The following ARAP2 variants were observed in gnomAD, a reference collection of about 807,000 sequenced individuals.
ARAP2 encodes the protein ArfGAP with RhoGAP domain, ankyrin repeat and PH domain 2.
A neutral mutation model predicts 194.5 loss-of-function variants in ARAP2; 148 were observed. The observed-to-expected ratio is 0.76, with a 90% confidence interval of 0.67 to 0.87. The LOEUF (loss-of-function observed/expected upper bound fraction) is 0.87. ARAP2 is among the 40% of genes least tolerant of loss of function. The probability of loss-of-function intolerance (pLI) is 0.00; values close to 1 mark genes in which losing one functional copy is unlikely to be tolerated. For synonymous variants in ARAP2, 695 were observed against 683.5 expected (o/e 1.02, Z -0.26); for missense variants, 2,128 against 1,989.7 (o/e 1.07, Z -1.32).
At position 36,136,818 on chromosome 4, in the gene ARAP2, T is replaced by TGTGTGTGC. The variant is rs760185590; in HGVS notation, c.3264-3430_3264-3429insGCACACAC. Among the ~76,000 whole-genome samples the TGTGTGTGC allele has an allele frequency of 2.9e-4, 41 of 140,976 alleles. 1 individual carries two copies. Among genetic ancestry groups the TGTGTGTGC allele is most frequent in the Admixed American group, 1.3e-3 (18 of 14,252 alleles). 92.5% of individuals were successfully genotyped at this position (140,976 alleles called of 152,430 possible). On this transcript the variant is annotated intron_variant, in intron 19 of 32. Coordinates refer to ENST00000303965, the MANE Select transcript of ARAP2 (RefSeq NM_015230.4). ...GTGTGTGTGTGTGTGTGTGTGTGTG[T>TGTGTGTGC]GCGTGTCTGTGTATCTCAGTCCTAT...
chr4:36,190,793 G>C (rs1374895335), intron 7 of ARAP2, among the ~76,000 whole-genome samples: 1 of 152,112 alleles, frequency 6.6e-6, no homozygotes. Flanking sequence ...AAAACACAAG[G>C]GGAACATGTA....
chr4:36,090,771 T>C (rs1713399985), intron 28 of ARAP2, among the ~76,000 whole-genome samples: 1 of 152,070 alleles, frequency 6.6e-6, no homozygotes, highest in Non-Finnish European at 1.5e-5. Context: ...TGGTGGAGCG[T>C]AGAGGATTAG....
chr4:36,179,486 T>C (rs1262326513), intron 8 of ARAP2, among the ~76,000 whole-genome samples: 1 of 152,100 alleles, frequency 6.6e-6, no homozygotes, highest in Non-Finnish European at 1.5e-5. Flanking sequence ...CAGTAACCTG[T>C]ACGTAAGAAG....
rs1379995562 is a variant in ARAP2 at position 36,164,917 on chromosome 4, C to T, written c.2170G>A (p.Ala724Thr). ...AGCATAACTTGTCACTAATTACCTG[C>T]ACACTTCTTACAGATGACAACACAG... The part of the protein sequence containing the change: ...NLCVVICKKC[A>T]GQHRSLGPKD... Residue 724 changes from alanine to threonine, a missense_variant, in exon 11 of 33, where the codon GCA (alanine) becomes ACA (threonine). Transcript: ENST00000303965. The T allele has an allele frequency of 4.3e-6, 7 of 1,613,920 alleles. No individual in the cohort carries two copies. Among genetic ancestry groups the T allele is most frequent in the African/African-American group, 1.3e-5 (1 of 75,066 alleles).
At chr4:36,158,147 A>G (rs1283451013) in intron 15 of ARAP2, among the ~76,000 whole-genome samples, 1 of 152,200 alleles carries the variant, frequency 6.6e-6, no homozygotes, top group Admixed American at 6.5e-5. Context: ...GGTTTGACAC[A>G]AGGAGTTGGA....
intron 8 of ARAP2, among the ~76,000 whole-genome samples, chr4:36,186,849 AC>A (rs1740680164): frequency 1.3e-5 from 2 of 152,250 alleles, no homozygotes; most frequent in African/African-American, 4.8e-5. Flanking sequence ...TTGCAAGAAA[AC>A]AAGCTCAGGG....
At chr4:36,087,938 T>G (rs182854659) in intron 28 of ARAP2, among the ~76,000 whole-genome samples, 2 of 152,220 alleles carry the variant, frequency 1.3e-5, no homozygotes, top group Admixed American at 1.3e-4. Flanking sequence ...AGAGTCTTTC[T>G]TCATCTGCAT....
chr4:36,179,451 C>A (rs1400059840), intron 8 of ARAP2, among the ~76,000 whole-genome samples: 1 of 152,184 alleles, frequency 6.6e-6, no homozygotes, highest in Non-Finnish European at 1.5e-5. Flanking sequence ...CGCATCCACG[C>A]AGACTCATAG....
intron 25 of ARAP2, among the ~76,000 whole-genome samples, chr4:36,114,705 C>T (rs536622028): frequency 2.0e-4 from 31 of 152,082 alleles, no homozygotes; most frequent in African/African-American, 7.2e-4. Context: ...CAGTCAATGG[C>T]TATCGGTCAT....
intron 8 of ARAP2, among the ~76,000 whole-genome samples, chr4:36,183,853 G>T (rs1042861388): frequency 6.6e-6 from 1 of 152,140 alleles, no homozygotes; most frequent in Non-Finnish European, 1.5e-5. Flanking sequence ...GTAACACCAG[G>T]GGGTGATGGA....
At chr4:36,096,394 A>C (rs915944259) in intron 27 of ARAP2, among the ~76,000 whole-genome samples, 1 of 151,220 alleles carries the variant, frequency 6.6e-6, no homozygotes, top group Non-Finnish European at 1.5e-5. Context: ...AAAGGAAAAA[A>C]GTAGTCTTAA....
intron 2 of ARAP2, among the ~76,000 whole-genome samples, chr4:36,226,851 T>C (rs1178988442): frequency 1.3e-5 from 2 of 152,146 alleles, no homozygotes. Context: ...CCTTTACAGC[T>C]CCCAAAGGGA....
At chr4:36,219,909 A>G (rs574610125) in intron 2 of ARAP2, among the ~76,000 whole-genome samples, 4 of 152,168 alleles carry the variant, frequency 2.6e-5, no homozygotes, top group African/African-American at 9.6e-5. Context: ...TATACTCACT[A>G]TAAGATTGCA....
chr4:36,107,571 A>G lies in ARAP2; in HGVS notation c.4279T>C (p.Cys1427Arg). The G allele has an allele frequency of 6.2e-7, 1 of 1,608,516 alleles. No homozygotes were observed. Among genetic ancestry groups the G allele is most frequent in the Non-Finnish European group, 8.5e-7 (1 of 1,177,224 alleles). The change falls in exon 27 of 33, where the codon TGC becomes CGC. Residue 1427 changes from cysteine to arginine, a missense_variant. By Grantham distance (180) the Cys-to-Arg change is radical (BLOSUM62 -3). Coordinates refer to ENST00000303965, the MANE Select transcript of ARAP2 (RefSeq NM_015230.4). Reference sequence around the variant, plus strand: ...GTGAAGTAATGACACCTACCACTGCAGTGTTTAATTGTGTCAGCGGTTAAG... The same window carrying G: ...GTGAAGTAATGACACCTACCACTGCGGTGTTTAATTGTGTCAGCGGTTAAG... ...RFLTADTIKH[C>R]SDRSTLGSIK...
intron 2 of ARAP2, among the ~76,000 whole-genome samples, chr4:36,227,367 TA>T (rs935335802): frequency 2.6e-5 from 4 of 152,186 alleles, no homozygotes; most frequent in African/African-American, 9.7e-5. Flanking sequence ...GATTTCCTAG[TA>T]AATACCAGAC....
chr4:36,121,279 G>A lies in ARAP2; in HGVS notation c.3794C>T (p.Ala1265Val), dbSNP rs1490024244. The change falls in exon 23 of 33, where the codon GCC becomes GTC. Residue 1265 changes from alanine (A) to valine (V), a missense_variant. By Grantham distance (64) the Ala-to-Val change is moderately conservative (BLOSUM62 0). Transcript: ENST00000303965. ...EINHMNAHNL[A>V]LVFSSCLFQT... The stretch of plus-strand genomic sequence containing the variant: ...AAACAAACAGGATGAAAAGACCAAG[G>A]CCAAATTATGGGCATTCATGTGATT... 6 of 1,604,014 alleles carry A rather than the reference G, an allele frequency of 3.7e-6. No homozygotes were observed. The highest frequency in any genetic ancestry group is 5.1e-6 in the Non-Finnish European group (6 of 1,174,378).
Position 36,147,566 on chromosome 4 carries a change from T to C in ARAP2, c.3181A>G (p.Arg1061Gly). The change falls in exon 18 of 33, where the codon AGA becomes GGA. Residue 1061 changes from arginine (R) to glycine (G), a missense_variant. Transcript: ENST00000303965. ...QEVQGDRMHL[R>G]RLQELTISTM... ...CTCTTACTTAGCTCTTGCAGTCTTC[T>C]TAAGTGCATTCTATCTCCCTGAACT... 1 of 1,612,974 alleles carries C rather than the reference T, an allele frequency of 6.2e-7. No homozygotes were observed. The highest frequency in any genetic ancestry group is 8.5e-7 in the Non-Finnish European group (1 of 1,179,506).
At chr4:36,051,785 T>C (rs1722713273) in intron 3 of ARAP2, among the ~76,000 whole-genome samples, 1 of 152,198 alleles carries the variant, frequency 6.6e-6, no homozygotes, top group Non-Finnish European at 1.5e-5. Context: ...TGAAACACAA[T>C]ATGGTACAAT....
chr4:36,014,288 A>G (rs984105011), intron 8 of ARAP2, among the ~76,000 whole-genome samples: 8 of 134,934 alleles, frequency 5.9e-5, no homozygotes, highest in African/African-American at 1.6e-4. Flanking sequence ...AAAGAAAGAA[A>G]GAAAGAAAGA....
Sources: allele counts gnomAD v4.1 joint callset (sites outside exome capture counted in the v4.1 genomes callset), GRCh38; gene constraint gnomAD v4.1.1; transcripts MANE v1.5; gene names NCBI Gene and HGNC (gene_info 2026-07-23, HGNC 2026-07-21).